The following ABCC4 variants were observed in gnomAD, a reference collection of about 807,000 sequenced individuals.
ABCC4 encodes the protein ATP-binding cassette sub-family C member 4.
ABCC4 carries 102 observed loss-of-function variants against 168.5 expected under a neutral mutation model. The observed-to-expected ratio is 0.61, with a 90% CI of 0.52 to 0.71. The LOEUF (loss-of-function observed/expected upper bound fraction) is 0.71, where lower values mean the gene tolerates loss of function less well. Ranked by LOEUF, ABCC4 falls within the 30% of genes least tolerant of loss-of-function variation. The pLI is 0.00. For missense variants in ABCC4, 1,402 were observed against 1,605.8 expected (o/e 0.87, Z 2.17); for synonymous variants, 617 against 590.7 (o/e 1.04, Z -0.65).
At chr13:95,021,710 A>T in intron 30 of ABCC4, 28 bp from the exon 31 acceptor site, 1 of 1,514,094 alleles carries the variant, frequency 6.6e-7, no homozygotes, top group South Asian at 1.2e-5. Flanking sequence ...AAGCATAAAA[A>T]GAATGTTTCA....
chr13:95,035,238 G>A (rs1191631521), intron 29 of ABCC4, among the ~76,000 whole-genome samples: 1 of 152,216 alleles, frequency 6.6e-6, no homozygotes, highest in Non-Finnish European at 1.5e-5. Context: ...CAATGGAAAA[G>A]AAGTAAATGC....
At chr13:95,119,833 A>G (rs2139421736) in intron 19 of ABCC4, among the ~76,000 whole-genome samples, 1 of 152,290 alleles carries the variant, frequency 6.6e-6, no homozygotes, top group East Asian at 1.9e-4. Flanking sequence ...CAGGTATCCA[A>G]TTCAATGAAT....
intron 3 of ABCC4, among the ~76,000 whole-genome samples, chr13:95,236,598 G>A (rs1247539325): frequency 2.1e-5 from 3 of 139,964 alleles, no homozygotes; most frequent in African/African-American, 5.9e-5. Flanking sequence ...ACGCGCGCGT[G>A]CGCGCACACA....
chr13:95,296,158 ACACACACACACACACACACACACAC>A (rs1269419662), intron 1 of ABCC4, among the ~76,000 whole-genome samples: 2 of 67,092 alleles, frequency 3.0e-5, no homozygotes, highest in African/African-American at 6.9e-5. Flanking sequence ...ACACACACAC[ACACACACACACACACACACACACAC>A]AAAAACACAA....
intron 30 of ABCC4, among the ~76,000 whole-genome samples, chr13:95,025,782 C>A (rs1004291444): frequency 8.6e-5 from 13 of 152,040 alleles, no homozygotes; most frequent in African/African-American, 3.1e-4. Flanking sequence ...GAATATAATT[C>A]ATTCAAAGAA....
At chr13:95,168,068 A>T (rs2037344436) in intron 14 of ABCC4, among the ~76,000 whole-genome samples, 1 of 152,104 alleles carries the variant, frequency 6.6e-6, no homozygotes, top group South Asian at 2.1e-4. Context: ...GGTTTTCACC[A>T]TGTTGGCCAG....
intron 4 of ABCC4, among the ~76,000 whole-genome samples, chr13:95,215,831 T>C (rs1204018618): frequency 6.6e-6 from 1 of 152,104 alleles, no homozygotes; most frequent in Non-Finnish European, 1.5e-5. Flanking sequence ...AGTCTTAGAG[T>C]AAACTTTTGG....
At chr13:95,146,673 T>C (rs927592895) in intron 19 of ABCC4, among the ~76,000 whole-genome samples, 2 of 152,202 alleles carry the variant, frequency 1.3e-5, no homozygotes, top group Non-Finnish European at 2.9e-5. Flanking sequence ...GTGGATCTAC[T>C]GTGTGGATGC....
Position 95,021,641 on chromosome 13 carries a change from G to A in ABCC4, c.3912C>T (p.Asp1304=), listed in dbSNP as rs757658110. 12 of 1,612,966 alleles carry A rather than the reference G, an allele frequency of 7.4e-6. No homozygotes were observed. Among genetic ancestry groups the A allele is most frequent in the African/African-American group, 1.3e-5 (1 of 74,878 alleles). ...KRNYPHIGHT[D]HMVTNTSNGQ... is the part of the protein sequence containing the mutation. ...CATTGGAAGTGTTTGTAACCATGTG[G>A]TCAGTGTGACCAATATGTGGATAAT... Residue 1304 remains aspartate, a synonymous_variant, in exon 31 of 31, where the codon GAC becomes GAT. Transcript: ENST00000645237.
intron 1 of ABCC4, among the ~76,000 whole-genome samples, chr13:95,295,430 T>A (rs1411479476): frequency 2.8e-5 from 4 of 144,608 alleles, no homozygotes; most frequent in Non-Finnish European, 3.1e-5. Flanking sequence ...GAGGCCGAGG[T>A]GGGTAGATCA....
intron 9 of ABCC4, among the ~76,000 whole-genome samples, chr13:95,190,624 T>C (rs1414786197): frequency 6.6e-6 from 1 of 152,182 alleles, no homozygotes; most frequent in South Asian, 2.1e-4. Flanking sequence ...ATTCAGAGTA[T>C]AGAACCTCAA....
chr13:95,253,660 G>A (rs931038158), intron 1 of ABCC4, among the ~76,000 whole-genome samples: 1 of 151,702 alleles, frequency 6.6e-6, no homozygotes, highest in South Asian at 2.1e-4. Flanking sequence ...TAGGAGAATC[G>A]CTTAAACCCA....
At chr13:95,185,021 G>C (rs146814485) in intron 11 of ABCC4, among the ~76,000 whole-genome samples, 48 of 152,272 alleles carry the variant, frequency 3.2e-4, no homozygotes, top group African/African-American at 1.1e-3. Context: ...AGGGGACAGT[G>C]GGGGGACACC....
intron 19 of ABCC4, among the ~76,000 whole-genome samples, chr13:95,159,143 G>T (rs1339533044): frequency 1.1e-5 from 1 of 93,012 alleles, no homozygotes; most frequent in Non-Finnish European, 2.4e-5. Context: ...AACTATTGAA[G>T]TGCATACAAT....
rs541412883 is a variant in ABCC4 at position 95,189,453 on chromosome 13, T to C, written c.1264-911A>G. The stretch of plus-strand genomic sequence containing the variant: ...TAATATAATATTCAGTATGGGAGCT[T>C]TTCAACCATTTGTAAATTTTCATTC... On this transcript the variant is annotated intron_variant, in intron 9 of 30. Coordinates refer to ENST00000645237, the MANE Select transcript of ABCC4 (RefSeq NM_005845.5). Among the ~76,000 whole-genome samples the C allele has an allele frequency of 2.6e-5, 4 of 152,300 alleles. No homozygotes were observed. In the South Asian group the frequency reaches 8.3e-4, roughly 32 times the overall value.
At position 95,062,655 on chromosome 13, in the gene ABCC4, A is replaced by G. The variant is rs778261640; in HGVS notation, c.3366+49T>C. ...GCAATAAGAGTAAAAGCAATTAAACATAGTAGCTCTTATAAAAGGGGCAGG... is the reference window on the plus strand; with the variant it reads ...GCAATAAGAGTAAAAGCAATTAAACGTAGTAGCTCTTATAAAAGGGGCAGG... On this transcript the variant is annotated intron_variant, in intron 26 of 30. Coordinates refer to ENST00000645237, the MANE Select transcript of ABCC4 (RefSeq NM_005845.5). 48 of 1,506,098 alleles carry G rather than the reference A, an allele frequency of 3.2e-5. No homozygotes were observed. In the East Asian group the frequency reaches 4.4e-4, roughly 14 times the overall value. 93.3% of individuals were successfully genotyped at this position (1,506,098 alleles called of 1,614,324 possible). A position where few individuals can be genotyped will look rare whatever the true frequency, so the allele number is the denominator to read the frequency against.
In ABCC4 at chr13:95,150,671, G is replaced by C. The variant is rs527482557; in HGVS notation, c.2455+10518C>G. On this transcript the variant is annotated intron_variant, in intron 19 of 30. Coordinates refer to ENST00000645237, the MANE Select transcript of ABCC4 (RefSeq NM_005845.5). ...GAATTTCATGATAACATTACTTACA[G>C]GGAAAATATCATTACTTATGTTCTT... Among the ~76,000 whole-genome samples the C allele has an allele frequency of 7.9e-5, 12 of 152,264 alleles. No individual in the cohort carries two copies. In the South Asian group the frequency reaches 1.7e-3, roughly 21 times the overall value.
At chr13:95,120,491 G>C (rs891820402) in intron 19 of ABCC4, among the ~76,000 whole-genome samples, 3 of 151,008 alleles carry the variant, frequency 2.0e-5, no homozygotes, top group African/African-American at 7.3e-5. Context: ...GCTTGAGCTC[G>C]GGAGGCGGAG....
At chr13:95,032,467 TGCACACAAAG>T (rs1374133485) in intron 30 of ABCC4, among the ~76,000 whole-genome samples, 1 of 152,216 alleles carries the variant, frequency 6.6e-6, no homozygotes, top group East Asian at 1.9e-4. Context: ...CGTAATACTG[TGCACACAAAG>T]GCATTTATAG....
Sources: allele counts gnomAD v4.1 joint callset (sites outside exome capture counted in the v4.1 genomes callset), GRCh38; gene constraint gnomAD v4.1.1; transcripts MANE v1.5; gene names NCBI Gene and HGNC (gene_info 2026-07-23, HGNC 2026-07-21).